Variants in PRSS58 observed in about 807,000 individuals in gnomAD.
PRSS58 encodes the protein serine protease 58.
A neutral mutation model predicts 25.0 loss-of-function variants in PRSS58; 31 were observed. The observed-to-expected ratio is 1.24, with a 90% CI of 0.93 to 1.67. The LOEUF is 1.67. Among genes scored for constraint, PRSS58 ranks in the 40% most tolerant of loss-of-function variants. PRSS58 has a pLI of 0.00. For missense variants in PRSS58, 324 were observed against 287.9 expected (o/e 1.13, Z -0.91); for synonymous variants, 119 against 106.1 (o/e 1.12, Z -0.75).
At chr7:142,254,628 A>G (rs762951467) in intron 4 of PRSS58, among the ~76,000 whole-genome samples, 16 of 152,152 alleles carry the variant, frequency 1.1e-4, no homozygotes, top group Non-Finnish European at 1.5e-4. Context: ...AAAATATTAT[A>G]TATTTATCTT....
intron 4 of PRSS58, 48 bp downstream of exon 4, chr7:142,255,007 T>G: frequency 6.3e-7 from 1 of 1,588,604 alleles, no homozygotes; most frequent in Non-Finnish European, 8.6e-7. Context: ...GTCGCGAAGG[T>G]GTAGAAGCAT....
chr7:142,252,965 T>A (rs1798494275), intron 4 of PRSS58, among the ~76,000 whole-genome samples: 1 of 152,202 alleles, frequency 6.6e-6, no homozygotes, highest in Non-Finnish European at 1.5e-5. Flanking sequence ...GATGGGTGGA[T>A]CACCTGAGGT....
intron 2 of PRSS58, among the ~76,000 whole-genome samples, chr7:142,256,310 G>A (rs777539799): frequency 4.1e-4 from 63 of 152,160 alleles, no homozygotes; most frequent in Admixed American, 3.9e-4. Flanking sequence ...TATGTAGGAT[G>A]TTAAATGGTG....
intron 1 of PRSS58, 74 bp downstream of exon 1, chr7:142,257,917 G>A (rs1798584872): frequency 1.8e-6 from 1 of 569,932 alleles, no homozygotes; most frequent in Non-Finnish European, 3.1e-6. Flanking sequence ...AGAGTCAAGT[G>A]ATTGGTCCCC....
At chr7:142,256,477 TG>T (rs1585254562) in intron 2 of PRSS58, among the ~76,000 whole-genome samples, 3 of 152,270 alleles carry the variant, frequency 2.0e-5, no homozygotes, top group East Asian at 1.9e-4. Flanking sequence ...GTTTGTTGTT[TG>T]TTTGAGACAG....
intron 4 of PRSS58, 49 bp downstream of exon 4, chr7:142,255,006 G>A (rs751836690): frequency 1.9e-6 from 3 of 1,585,820 alleles, no homozygotes; most frequent in Non-Finnish European, 2.6e-6. Context: ...AGTCGCGAAG[G>A]TGTAGAAGCA....
intron 4 of PRSS58, among the ~76,000 whole-genome samples, chr7:142,254,477 G>A (rs1585253114): frequency 6.6e-6 from 1 of 152,082 alleles, no homozygotes; most frequent in South Asian, 2.1e-4. Context: ...AATAATGGTA[G>A]CCCTTTGTCA....
chr7:142,255,107 A>C lies in PRSS58; in HGVS notation c.384T>G (p.Ser128=). The C allele has an allele frequency of 6.2e-7, 1 of 1,614,008 alleles. No homozygotes were observed. The highest frequency in any genetic ancestry group is 8.5e-7 in the Non-Finnish European group (1 of 1,179,876). The change falls in exon 4 of 6, where the codon TCT becomes TCG. Residue 128 remains serine, a synonymous_variant. Transcript: ENST00000547058. The part of the protein sequence containing the change: ...KLANLPYQTI[S]ENTMCSVSTW... The stretch of plus-strand genomic sequence containing the variant: ...TAGAGACAGAGCACATGGTATTTTC[A>C]GAGATAGTTTGGTAGGGCAGGTTGG...
chr7:142,252,839 A>G (rs559850841), intron 4 of PRSS58, among the ~76,000 whole-genome samples: 35 of 152,352 alleles, frequency 2.3e-4, no homozygotes, highest in Non-Finnish European at 1.5e-5. Context: ...CTTGGGAGTT[A>G]CATGTACATG....
At position 142,255,131 on chromosome 7, in the gene PRSS58, G is replaced by A. The variant is rs145229063; in HGVS notation, c.360C>T (p.Ala120=). 44 of 1,613,994 alleles carry A rather than the reference G, an allele frequency of 2.7e-5. No individual in the cohort carries two copies. Among genetic ancestry groups the A allele is most frequent in the Middle Eastern group, 3.3e-4 (2 of 6,060 alleles). ...EAELNDYVKL[A]NLPYQTISEN... Reference sequence around the variant, plus strand: ...CAGAGATAGTTTGGTAGGGCAGGTTGGCTAATTTCACATAGTCATTGAGTT... The same window carrying A: ...CAGAGATAGTTTGGTAGGGCAGGTTAGCTAATTTCACATAGTCATTGAGTT... Residue 120 remains alanine, a synonymous_variant, in exon 4 of 6, where the codon GCC becomes GCT. Transcript: ENST00000547058.
In PRSS58 at chr7:142,255,570, C is replaced by A. The variant is rs145731516; in HGVS notation, c.144G>T (p.Pro48=). The change falls in exon 3 of 6, where the codon CCG becomes CCT. Residue 48 remains proline (P), a synonymous_variant. Transcript: ENST00000547058. ...AGTGTGCAGCTGTGATCACCCAAAGCGGGTGGATCAGGACTCCAGCGCAGG... is the reference window on the plus strand; with the variant it reads ...AGTGTGCAGCTGTGATCACCCAAAGAGGGTGGATCAGGACTCCAGCGCAGG... ...YLPCAGVLIH[P]LWVITAAHCN... is the part of the protein sequence containing the mutation. 136 of 1,614,012 alleles carry A rather than the reference C, an allele frequency of 8.4e-5. 1 individual carries two copies. The African/African-American group carries it at 1.3e-3, about 16-fold the overall frequency.
At chr7:142,254,790 T>C (rs1314255789) in intron 4 of PRSS58, among the ~76,000 whole-genome samples, 1 of 152,276 alleles carries the variant, frequency 6.6e-6, no homozygotes, top group East Asian at 1.9e-4. Flanking sequence ...TGCTGTCACA[T>C]AGAAAATTAG....
intron 4 of PRSS58, 74 bp from the exon 5 acceptor site, chr7:142,252,685 T>G (rs1397471808): frequency 1.4e-6 from 2 of 1,466,940 alleles, no homozygotes; most frequent in African/African-American, 2.8e-5. Context: ...AAAACTTTTC[T>G]TCTTCTACCA....
Position 142,252,530 on chromosome 7 carries a change from T to C in PRSS58, c.518A>G (p.Asn173Ser). The C allele has an allele frequency of 6.2e-7, 1 of 1,614,138 alleles. No individual in the cohort carries two copies. Among genetic ancestry groups the C allele is most frequent in the Middle Eastern group, 1.6e-4 (1 of 6,062 alleles). The change falls in exon 5 of 6, where the codon AAC becomes AGC. Residue 173 changes from asparagine (N) to serine (S), a missense_variant. Physicochemically the swap from Asn to Ser is conservative, Grantham distance 46. Coordinates refer to ENST00000547058, the MANE Select transcript of PRSS58 (RefSeq NM_001001317.5). ...CACACACAGCATATTTTCCGTGATG[T>C]TGTAGGTTTTATAGGCATCGCGACA... ...PQCRDAYKTY[N>S]ITENMLCVGI...
chr7:142,252,288 T>A lies in PRSS58; in HGVS notation c.659A>T (p.Asp220Val). ...SFADGCVLRA[D>V]VGIYAKIFYY... ...AAAAATTTTGGCATAGATGCCAACA[T>A]CAGCTCTCAAAACACATCCATCCGC... The change falls in exon 6 of 6, where the codon GAT (aspartate) becomes GTT (valine). Residue 220 changes from aspartate (D) to valine (V), a missense_variant. Coordinates refer to ENST00000547058, the MANE Select transcript of PRSS58 (RefSeq NM_001001317.5). The A allele has an allele frequency of 6.2e-7, 1 of 1,614,156 alleles. No homozygotes were observed. Among genetic ancestry groups the A allele is most frequent in the South Asian group, 1.1e-5 (1 of 91,082 alleles).
chr7:142,253,440 T>C (rs1033199191), intron 4 of PRSS58, among the ~76,000 whole-genome samples: 1 of 152,230 alleles, frequency 6.6e-6, no homozygotes, highest in Admixed American at 6.5e-5. Context: ...GTATCAATAG[T>C]CCACAAATAC....
At chr7:142,252,835 A>G (rs541233801) in intron 4 of PRSS58, among the ~76,000 whole-genome samples, 5 of 152,332 alleles carry the variant, frequency 3.3e-5, no homozygotes, top group African/African-American at 1.2e-4. Flanking sequence ...AATTCTTGGG[A>G]GTTACATGTA....
At chr7:142,254,065 T>C (rs1798513276) in intron 4 of PRSS58, among the ~76,000 whole-genome samples, 2 of 152,210 alleles carry the variant, frequency 1.3e-5, no homozygotes, top group South Asian at 2.1e-4. Context: ...GATAGATGAA[T>C]GTAATCTGAC....
intron 4 of PRSS58, 134 bp downstream of exon 4, chr7:142,254,921 G>T: frequency 1.2e-6 from 1 of 837,330 alleles, no homozygotes; most frequent in Non-Finnish European, 1.9e-6. Context: ...CACTCCTTCA[G>T]TGAGGTACAG....
Sources: gnomAD v4.1 joint callset for allele counts (sites outside exome capture counted in the v4.1 genomes callset) on GRCh38, gnomAD v4.1.1 for gene constraint, MANE v1.5 for transcripts, NCBI Gene and HGNC (gene_info 2026-07-23, HGNC 2026-07-21) for gene names.